The following TXNDC9 variants were observed in gnomAD, a reference collection of about 807,000 sequenced individuals.
TXNDC9 encodes the protein thioredoxin domain containing 9, also known as thioredoxin domain-containing protein 9.
In TXNDC9, 7 loss-of-function variants were observed where a neutral mutation model predicts 23.0. That is an observed-to-expected ratio of 0.30 (90% confidence interval 0.17 to 0.57). The LOEUF is 0.57. Ranked by LOEUF, TXNDC9 falls within the 20% of genes least tolerant of loss-of-function variation. TXNDC9 has a pLI of 0.90. For missense variants in TXNDC9, 198 were observed against 252.6 expected (o/e 0.78, Z 1.47); for synonymous variants, 72 against 90.6 (o/e 0.79, Z 1.17).
At chr2:99,332,396 T>A (rs1427568716) in intron 2 of TXNDC9, among the ~76,000 whole-genome samples, 1 of 152,182 alleles carries the variant, frequency 6.6e-6, no homozygotes, top group Non-Finnish European at 1.5e-5. Flanking sequence ...TGAGTTGAGA[T>A]GACACCACTG....
the TXNDC9 span, among the ~76,000 whole-genome samples, chr2:99,313,572 A>G: frequency 6.6e-6 from 1 of 152,030 alleles, no homozygotes; most frequent in Non-Finnish European, 1.5e-5. Flanking sequence ...CAGGAGTTTG[A>G]GGTTATGGTG....
At chr2:99,330,064 C>T (rs112394073) in intron 2 of TXNDC9, among the ~76,000 whole-genome samples, 32,732 of 151,266 alleles carry the variant, frequency 0.22, 4,100 homozygotes, top group Admixed American at 0.31. Context: ...CTGAGGTGGG[C>T]GGATCACCTG....
downstream of TXNDC9, among the ~76,000 whole-genome samples, chr2:99,315,991 G>C (rs967211545): frequency 6.6e-6 from 1 of 152,094 alleles, no homozygotes; most frequent in African/African-American, 2.4e-5. Flanking sequence ...AGGTATCTGG[G>C]AGTGGAGGTT....
chr2:99,333,970 CTG>C (rs1405961101), intron 1 of TXNDC9, among the ~76,000 whole-genome samples: 1 of 152,198 alleles, frequency 6.6e-6, no homozygotes. Context: ...CATCACTCCT[CTG>C]TGTAAAATCA....
chr2:99,329,321 A>G (rs1243365484), intron 2 of TXNDC9, among the ~76,000 whole-genome samples: 1 of 152,156 alleles, frequency 6.6e-6, no homozygotes, highest in Non-Finnish European at 1.5e-5. Flanking sequence ...TCATATGAAA[A>G]GATTTCTAGA....
chr2:99,330,393 C>G (rs1001231846), intron 2 of TXNDC9, among the ~76,000 whole-genome samples: 71 of 150,556 alleles, frequency 4.7e-4, no homozygotes, highest in African/African-American at 1.7e-3. Context: ...GTCCTGGGCT[C>G]CTTTGAGGGA....
chr2:99,312,279 T>C, the TXNDC9 span, among the ~76,000 whole-genome samples: 1 of 152,144 alleles, frequency 6.6e-6, no homozygotes, highest in East Asian at 1.9e-4. Flanking sequence ...GTGAGTTACT[T>C]GAGGTCAGGA....
At chr2:99,315,653 T>G (rs1263067629), downstream of TXNDC9, among the ~76,000 whole-genome samples, 1 of 152,216 alleles carries the variant, frequency 6.6e-6, no homozygotes, top group Non-Finnish European at 1.5e-5. Flanking sequence ...ATTCTTATAT[T>G]TAGGTGTTTG....
the TXNDC9 span, among the ~76,000 whole-genome samples, chr2:99,308,615 G>C: frequency 6.6e-6 from 1 of 152,026 alleles, no homozygotes; most frequent in African/African-American, 2.4e-5. Context: ...GTGTATGTAG[G>C]GAGGGAGAAG....
chr2:99,328,942 T>C (rs2094218999), intron 2 of TXNDC9, among the ~76,000 whole-genome samples: 1 of 152,056 alleles, frequency 6.6e-6, no homozygotes, highest in Admixed American at 6.6e-5. Context: ...TGAGCTGAGA[T>C]CACGCCACTG....
chr2:99,335,409 A>G (rs2094236268), intron 1 of TXNDC9, among the ~76,000 whole-genome samples: 3 of 152,228 alleles, frequency 2.0e-5, no homozygotes, highest in Admixed American at 2.0e-4. Context: ...CTCAATAAAC[A>G]TGTATTTAAC....
At chr2:99,330,675 T>C (rs938348201) in intron 2 of TXNDC9, among the ~76,000 whole-genome samples, 3 of 152,158 alleles carry the variant, frequency 2.0e-5, no homozygotes, top group African/African-American at 7.2e-5. Flanking sequence ...TAGTTAACAG[T>C]AGGAGGGTGC....
chr2:99,329,211 A>G (rs2094219587), intron 2 of TXNDC9, among the ~76,000 whole-genome samples: 1 of 152,214 alleles, frequency 6.6e-6, no homozygotes, highest in Non-Finnish European at 1.5e-5. Flanking sequence ...GATAAAGATT[A>G]AAGTTTTAAT....
Position 99,327,669 on chromosome 2 carries a change from G to A in TXNDC9, c.190-16C>T, listed in dbSNP as rs1357604894. 1.3e-6 allele frequency: 2 copies of A among 1,515,850 alleles called. No homozygotes were observed. Among genetic ancestry groups the A allele is most frequent in the South Asian group, 2.3e-5 (2 of 88,306 alleles). 93.9% of individuals were successfully genotyped at this position (1,515,850 alleles called of 1,614,324 possible). A position where few individuals can be genotyped will look rare whatever the true frequency, so the allele number is the denominator to read the frequency against. On this transcript the variant is annotated splice_polypyrimidine_tract_variant and intron_variant, in intron 2 of 4. Transcript: ENST00000264255. ...AAAGCCATTCCTAATTTGGAGAGAGGCAAAACATTACACATGTGAGATATC... is the reference window on the plus strand; with the variant it reads ...AAAGCCATTCCTAATTTGGAGAGAGACAAAACATTACACATGTGAGATATC...
chr2:99,317,272 T>C (rs1559232046), downstream of TXNDC9, among the ~76,000 whole-genome samples: 2 of 152,196 alleles, frequency 1.3e-5, no homozygotes, highest in South Asian at 4.1e-4. Flanking sequence ...TGTTCTTCTG[T>C]ATGTCTTGTA....
intron 4 of TXNDC9, among the ~76,000 whole-genome samples, chr2:99,320,537 T>G (rs1244958807): frequency 6.6e-6 from 1 of 152,204 alleles, no homozygotes; most frequent in Non-Finnish European, 1.5e-5. Flanking sequence ...AACATCAGTC[T>G]TAAGAACCAA....
intron 1 of TXNDC9, among the ~76,000 whole-genome samples, chr2:99,333,595 T>C (rs2094231159): frequency 6.6e-6 from 1 of 152,222 alleles, no homozygotes; most frequent in African/African-American, 2.4e-5. Context: ...CAGTGTTCTT[T>C]ACCAATGGGA....
At position 99,333,227 on chromosome 2, in the gene TXNDC9, G is replaced by C. The variant is rs760961620; in HGVS notation, c.-17C>G. 3 of 1,608,372 alleles carry C rather than the reference G, an allele frequency of 1.9e-6. No individual in the cohort carries two copies. Among genetic ancestry groups the C allele is most frequent in the Non-Finnish European group, 2.6e-6 (3 of 1,176,394 alleles). On this transcript the variant is annotated 5_prime_UTR_variant, in exon 2 of 5. Coordinates refer to ENST00000264255, the MANE Select transcript of TXNDC9 (RefSeq NM_005783.4). Reference sequence around the variant, plus strand: ...AGCTTCCATTCTTCCAAATGGTACAGAGTTCAGCCTGGGTGCTGGGGAGAA... The same window carrying C: ...AGCTTCCATTCTTCCAAATGGTACACAGTTCAGCCTGGGTGCTGGGGAGAA...
downstream of TXNDC9, chr2:99,318,853 C>T (rs2094195266): frequency 6.6e-6 from 1 of 152,196 alleles, no homozygotes; most frequent in African/African-American, 2.4e-5. Context: ...GGGAATGAGG[C>T]ATGCTAATAA....
Sources: gnomAD v4.1 joint callset for allele counts (sites outside exome capture counted in the v4.1 genomes callset) on GRCh38, gnomAD v4.1.1 for gene constraint, MANE v1.5 for transcripts, NCBI Gene and HGNC (gene_info 2026-07-23, HGNC 2026-07-21) for gene names.